Variants in EPS8 observed in about 807,000 individuals in gnomAD.
EPS8 encodes the protein epidermal growth factor receptor kinase substrate 8.
Under a neutral mutation model 103.8 loss-of-function variants are expected in EPS8, and 42 were observed. The ratio of observed to expected loss-of-function variants is 0.40; its 90% confidence interval spans 0.32 to 0.52. The LOEUF (loss-of-function observed/expected upper bound fraction) is 0.52. EPS8 is among the 20% of genes least tolerant of loss of function. EPS8 has a pLI of 0.40. For missense variants in EPS8, 969 were observed against 1,005.1 expected, an observed-to-expected ratio of 0.96 and a Z score of 0.49; for synonymous variants, 344 against 344.6, an observed-to-expected ratio of 1.00 and a Z score of 0.02.
intron 1 of EPS8, among the ~76,000 whole-genome samples, chr12:15,753,127 T>C (rs897050558): frequency 6.6e-6 from 1 of 152,006 alleles, no homozygotes; most frequent in Non-Finnish European, 1.5e-5. Context: ...GCACCACCCC[T>C]ACCACCCCTG....
intron 18 of EPS8, among the ~76,000 whole-genome samples, chr12:15,628,337 T>C (rs529851993): frequency 5.3e-4 from 80 of 152,332 alleles, no homozygotes; most frequent in Admixed American, 8.5e-4. Flanking sequence ...GTCCACAGCA[T>C]AGTTTTCTTC....
chr12:15,693,707 C>T lies in EPS8; in HGVS notation c.-21-10735G>A, dbSNP rs187933102. ...GCATATACCACCATGGAATACTATGCAGCCATAAAAAGGAATGAAAACATG... is the reference window on the plus strand; with the variant it reads ...GCATATACCACCATGGAATACTATGTAGCCATAAAAAGGAATGAAAACATG... On this transcript the variant is annotated intron_variant, in intron 1 of 20. Transcript: ENST00000281172. This position sits in a 1 kb window ranked among gnomAD's most constrained non-coding sequence, Gnocchi z 5.6. 7.5e-4 allele frequency among the ~76,000 whole-genome samples: 114 copies of T among 152,164 alleles called. No homozygotes were observed. The highest frequency in any genetic ancestry group is 1.5e-3 in the Admixed American group (23 of 15,262).
Position 15,660,756 on chromosome 12 carries a change from A to G in EPS8, c.811-16T>C, listed in dbSNP as rs774879096. The stretch of plus-strand genomic sequence containing the variant: ...TTAAGATTTGCTGAAATTAGAAATT[A>G]TAGAATAAAATATAAAACAAAACTA... On this transcript the variant is annotated splice_polypyrimidine_tract_variant and intron_variant, in intron 9 of 20. Transcript: ENST00000281172. The G allele has an allele frequency of 1.4e-6, 2 of 1,410,494 alleles. No homozygotes were observed. The highest frequency in any genetic ancestry group is 1.2e-5 in the South Asian group (1 of 82,840). 87.4% of individuals were successfully genotyped at this position (1,410,494 alleles called of 1,614,324 possible). A position where few individuals can be genotyped will look rare whatever the true frequency, so the allele number is the denominator to read the frequency against.
rs143333410 is a variant in EPS8 at position 15,670,167 on chromosome 12, T to C, written c.205-342A>G. 8.5e-3 allele frequency among the ~76,000 whole-genome samples: 1,290 copies of C among 152,310 alleles called. 23 individuals carry two copies. Among genetic ancestry groups the C allele is most frequent in the African/African-American group, 0.03 (1,248 of 41,582 alleles). On this transcript the variant is annotated intron_variant, in intron 4 of 20. Coordinates refer to ENST00000281172, the MANE Select transcript of EPS8 (RefSeq NM_004447.6). ...CCCCTATTTGACACTCTATTATGGT[T>C]ATTTAAATGCTGAACATAGCAGCAT...
intron 14 of EPS8, among the ~76,000 whole-genome samples, chr12:15,650,081 G>T (rs1333375320): frequency 1.3e-5 from 2 of 152,216 alleles, no homozygotes; most frequent in South Asian, 4.2e-4. Context: ...CACTTTTAGG[G>T]AATGTGACAA....
intron 3 of EPS8, among the ~76,000 whole-genome samples, chr12:15,674,947 T>C (rs866780060): frequency 6.6e-6 from 1 of 152,182 alleles, no homozygotes. Context: ...AAGTACTACT[T>C]GAATGTGTAA....
rs187750650 is a variant in EPS8 at position 15,631,482 on chromosome 12, G to A, written c.2004C>T (p.Ile668=). The change falls in exon 18 of 21, where the codon ATC becomes ATT. Residue 668 remains isoleucine, a synonymous_variant. Coordinates refer to ENST00000281172, the MANE Select transcript of EPS8 (RefSeq NM_004447.6). ...GTTTGTGTCTCTGGCTGTCTCGCAC[G>A]ATACTGCCACCACTGTCACTGGAGC... ...NSSSSDSGGS[I]VRDSQRHKQL... is the part of the protein sequence containing the mutation. 53 of 1,614,058 alleles carry A rather than the reference G, an allele frequency of 3.3e-5. No individual in the cohort carries two copies. The East Asian group carries it at 5.3e-4, about 16-fold the overall frequency.
chr12:15,673,776 C>A (rs549702466), intron 3 of EPS8, among the ~76,000 whole-genome samples: 53 of 152,152 alleles, frequency 3.5e-4, no homozygotes, highest in Non-Finnish European at 6.6e-4. Flanking sequence ...TTTTAGGTTT[C>A]TAGTAGTACA....
At chr12:15,763,662 TA>T (rs1369066088) in intron 1 of EPS8, among the ~76,000 whole-genome samples, 4 of 152,174 alleles carry the variant, frequency 2.6e-5, no homozygotes, top group Non-Finnish European at 5.9e-5. Flanking sequence ...AGAAAAAAAC[TA>T]AACTCCCAAG....
At chr12:15,653,046 T>C (rs1945442096) in intron 13 of EPS8, among the ~76,000 whole-genome samples, 1 of 152,212 alleles carries the variant, frequency 6.6e-6, no homozygotes, top group African/African-American at 2.4e-5. Context: ...TCAGCAAGCA[T>C]TAGTACTACA....
intron 1 of EPS8, among the ~76,000 whole-genome samples, chr12:15,707,229 G>A (rs1020498146): frequency 6.6e-6 from 1 of 152,124 alleles, no homozygotes; most frequent in African/African-American, 2.4e-5. Context: ...TTTCGGTAAA[G>A]AGCCAGGTTA....
intron 8 of EPS8, among the ~76,000 whole-genome samples, chr12:15,663,459 A>G (rs1394429422): frequency 6.6e-6 from 1 of 152,142 alleles, no homozygotes; most frequent in Non-Finnish European, 1.5e-5. Context: ...TAAAAACTGG[A>G]CTGGACCCAG....
At chr12:15,709,230 A>G (rs1565511622) in intron 1 of EPS8, among the ~76,000 whole-genome samples, 1 of 152,268 alleles carries the variant, frequency 6.6e-6, no homozygotes, top group Non-Finnish European at 1.5e-5. Context: ...TCAATCAGTT[A>G]AACTCAGTCA....
At chr12:15,659,834 A>G (rs573922406) in intron 10 of EPS8, among the ~76,000 whole-genome samples, 2 of 152,318 alleles carry the variant, frequency 1.3e-5, no homozygotes, top group East Asian at 3.9e-4. Flanking sequence ...AATTGTCTGT[A>G]TGTGACTTTG....
intron 16 of EPS8, 62 bp from the exon 17 acceptor site, chr12:15,640,908 TC>T (rs1458661839): frequency 6.6e-7 from 1 of 1,508,462 alleles, no homozygotes; most frequent in Admixed American, 1.9e-5. Context: ...CGAAAGAAGT[TC>T]CCTAGACTTC....
chr12:15,755,705 T>C (rs1946979734), intron 1 of EPS8, among the ~76,000 whole-genome samples: 1 of 152,080 alleles, frequency 6.6e-6, no homozygotes, highest in African/African-American at 2.4e-5. Flanking sequence ...AACCCACACC[T>C]CCACTCAAAA....
chr12:15,680,055 T>C (rs1945977788), intron 3 of EPS8, among the ~76,000 whole-genome samples: 1 of 152,182 alleles, frequency 6.6e-6, no homozygotes, highest in Non-Finnish European at 1.5e-5. Context: ...TTCATAACTA[T>C]TAGACCATGG....
At chr12:15,755,756 C>A (rs1244251834) in intron 1 of EPS8, among the ~76,000 whole-genome samples, 1 of 152,158 alleles carries the variant, frequency 6.6e-6, no homozygotes, top group Non-Finnish European at 1.5e-5. Context: ...CTGTCTGCTG[C>A]CATTCAAAAG....
chr12:15,639,726 G>C lies in EPS8; in HGVS notation c.1821+977C>G, dbSNP rs536745163. On this transcript the variant is annotated intron_variant, in intron 17 of 20. Transcript: ENST00000281172. ...ACTGAAATAAATTGTCACGGCAGCA[G>C]AAGTATGACCACAATTCCAGCTTTG... is the stretch of plus-strand genomic sequence containing the variant. Among the ~76,000 whole-genome samples the C allele has an allele frequency of 3.3e-5, 5 of 152,322 alleles. No homozygotes were observed. The South Asian group carries it at 1.0e-3, about 32-fold the overall frequency.
Sources: allele counts gnomAD v4.1 joint callset (sites outside exome capture counted in the v4.1 genomes callset), GRCh38; gene constraint gnomAD v4.1.1; non-coding constraint Gnocchi (gnomAD v3.1); transcripts MANE v1.5; gene names NCBI Gene and HGNC (gene_info 2026-07-23, HGNC 2026-07-21).